The following SLC25A24 variants were observed in gnomAD, a reference collection of about 807,000 sequenced individuals.
SLC25A24 encodes solute carrier family 25 member 24, also known as mitochondrial adenyl nucleotide antiporter SLC25A24.
Under a neutral mutation model 60.7 loss-of-function variants are expected in SLC25A24, and 49 were observed. That is an observed-to-expected ratio of 0.81 (90% CI 0.64 to 1.02). SLC25A24 has a LOEUF of 1.02. Ranked by LOEUF, SLC25A24 falls within the 50% of genes least tolerant of loss-of-function variation. The pLI, the probability that SLC25A24 is intolerant of heterozygous loss-of-function variation, is 0.00. For synonymous variants in SLC25A24, 202 were observed against 200.6 expected, an observed-to-expected ratio of 1.01 and a Z score of -0.06; for missense variants, 564 against 586.3, an observed-to-expected ratio of 0.96 and a Z score of 0.39.
chr1:108,145,414 T>C (rs547676916), intron 7 of SLC25A24, among the ~76,000 whole-genome samples: 123 of 152,334 alleles, frequency 8.1e-4, no homozygotes, highest in Middle Eastern at 3.4e-3. Flanking sequence ...ATCTTTAGTT[T>C]AATTAGATCC....
At position 108,155,102 on chromosome 1, in the gene SLC25A24, A is replaced by G; in HGVS notation, c.703T>C (p.Phe235Leu). The G allele has an allele frequency of 6.2e-7, 1 of 1,611,874 alleles. No homozygotes were observed. The highest frequency in any genetic ancestry group is 1.1e-5 in the South Asian group (1 of 90,664). ...TTTACCATCTGTCGAAAGCCACCAA[A>G]TATGTTCATTTTGTCTGATTTTGAA... ...HGSKSDKMNI[F>L]GGFRQMVKEG... Residue 235 changes from phenylalanine to leucine, a missense_variant, in exon 6 of 10, where the codon TTT becomes CTT. Coordinates refer to ENST00000565488, the MANE Select transcript of SLC25A24 (RefSeq NM_013386.5).
rs1013406876 is a variant in SLC25A24, at chr1:108,164,640, C to G, written c.399-3347G>C. On this transcript the variant is annotated intron_variant, in intron 3 of 9. Coordinates refer to ENST00000565488, the MANE Select transcript of SLC25A24 (RefSeq NM_013386.5). Reference sequence around the variant, plus strand: ...ATTTCTGTGGGATTGGTGGTGATATCCCCTTTATCATTTTTTATTGTGTCT... The same window carrying G: ...ATTTCTGTGGGATTGGTGGTGATATGCCCTTTATCATTTTTTATTGTGTCT... Among the ~76,000 whole-genome samples, 8 of 149,438 alleles carry G rather than the reference C, an allele frequency of 5.4e-5. No individual in the cohort carries two copies. In the East Asian group the frequency reaches 1.6e-3, roughly 29 times the overall value.
rs1183392031 is a variant in SLC25A24 at position 108,136,478 on chromosome 1, T to C, written c.*175A>G. ...CACATTAAAACTATGATTTTGAACA[T>C]TTCTGTGTACATATAATTTAGCCCA... On this transcript the variant is annotated 3_prime_UTR_variant, in exon 10 of 10. Coordinates refer to ENST00000565488, the MANE Select transcript of SLC25A24 (RefSeq NM_013386.5). 1 of 573,498 alleles carries C rather than the reference T, an allele frequency of 1.7e-6. No individual in the cohort carries two copies. The highest frequency in any genetic ancestry group is 3.1e-6 in the Non-Finnish European group (1 of 325,414). The allele number at this position is 573,498 out of a possible 1,614,324, so 35.5% of individuals were successfully genotyped here. A position where few individuals can be genotyped will look rare whatever the true frequency, so the allele number is the denominator to read the frequency against.
Position 108,200,093 on chromosome 1 carries a change from G to T in SLC25A24, c.46C>A (p.Gln16Lys), listed in dbSNP as rs926596448. 6.3e-7 allele frequency: 1 copy of T among 1,576,020 alleles called. No individual in the cohort carries two copies. The highest frequency in any genetic ancestry group is 8.6e-7 in the Non-Finnish European group (1 of 1,161,568). Residue 16 changes from glutamine (Q) to lysine (K), a missense_variant, in exon 1 of 10, where the codon CAG (glutamine) becomes AAG (lysine). By Grantham distance (53) the Gln-to-Lys change is moderately conservative. Coordinates refer to ENST00000565488, the MANE Select transcript of SLC25A24 (RefSeq NM_013386.5). ...RDFVLPTAAC[Q>K]DAEQPTRYET... is the part of the protein sequence containing the mutation. ...TAGCGCGTCGGCTGCTCCGCGTCCT[G>T]GCAGGCCGCGGTGGGCAGCACGAAG... is the stretch of plus-strand genomic sequence containing the variant.
In SLC25A24 at chr1:108,155,006, C is replaced by G; in HGVS notation, c.799G>C (p.Val267Leu). The part of the protein sequence containing the change: ...NVIKIAPETA[V>L]KFWAYEQYKK... The stretch of plus-strand genomic sequence containing the variant: ...ACCTGTTCATATGCCCAGAATTTAA[C>G]AGCTGTCTCAGGAGCAATTTTGATG... The change falls in exon 6 of 10, where the codon GTT (valine) becomes CTT (leucine). Residue 267 changes from valine (V) to leucine (L), a missense_variant. Val to Leu is a conservative substitution (Grantham distance 32). Transcript: ENST00000565488. 1 of 1,607,726 alleles carries G rather than the reference C, an allele frequency of 6.2e-7. No individual in the cohort carries two copies. Among genetic ancestry groups the G allele is most frequent in the African/African-American group, 1.3e-5 (1 of 74,792 alleles).
chr1:108,156,428 A>G (rs1046406969), intron 5 of SLC25A24, among the ~76,000 whole-genome samples: 13 of 152,226 alleles, frequency 8.5e-5, no homozygotes, highest in Admixed American at 2.6e-4. Context: ...AAGTTCTCTA[A>G]AAGTCAAGTT....
At chr1:108,159,965 T>A (rs1380383321) in intron 4 of SLC25A24, among the ~76,000 whole-genome samples, 2 of 152,086 alleles carry the variant, frequency 1.3e-5, no homozygotes, top group African/African-American at 2.4e-5. Flanking sequence ...TGGCCCGTTC[T>A]CAATGAGCTG....
intron 3 of SLC25A24, 70 bp downstream of exon 3, chr1:108,181,871 T>G (rs957676188): frequency 1.0e-5 from 12 of 1,160,142 alleles, no homozygotes; most frequent in Non-Finnish European, 1.5e-5. Context: ...AAAGCCACAC[T>G]TACAAACACA....
intron 3 of SLC25A24, among the ~76,000 whole-genome samples, chr1:108,169,337 C>CA (rs575747721): frequency 1.7e-3 from 266 of 152,128 alleles, no homozygotes; most frequent in African/African-American, 6.1e-3. Context: ...ACAAATTCCT[C>CA]AAAAAAACCA....
intron 1 of SLC25A24, among the ~76,000 whole-genome samples, chr1:108,187,795 T>C (rs561135579): frequency 1.3e-5 from 2 of 151,706 alleles, no homozygotes; most frequent in South Asian, 2.1e-4. Context: ...CACTTGATTC[T>C]AAAACCTAAC....
chr1:108,147,752 G>GCCTCTAAAGTGGCAGCCAT (rs1553253203), intron 7 of SLC25A24, among the ~76,000 whole-genome samples: 1 of 152,126 alleles, frequency 6.6e-6, no homozygotes, highest in Non-Finnish European at 1.5e-5. Context: ...GTGGCAGCCA[G>GCCTCTAAAGTGGCAGCCAT]CCTCTAAAGT....
intron 6 of SLC25A24, among the ~76,000 whole-genome samples, chr1:108,154,152 T>C (rs1051379141): frequency 2.0e-5 from 3 of 149,390 alleles, no homozygotes; most frequent in Non-Finnish European, 4.4e-5. Context: ...CTCAAGAGTA[T>C]TCTCTTGCTC....
chr1:108,190,259 C>A (rs960393713), intron 1 of SLC25A24, among the ~76,000 whole-genome samples: 1 of 152,086 alleles, frequency 6.6e-6, no homozygotes, highest in Non-Finnish European at 1.5e-5. Flanking sequence ...ATTAGAAACG[C>A]GGCACCCTAT....
chr1:108,162,887 G>A (rs1374112311), intron 3 of SLC25A24, among the ~76,000 whole-genome samples: 1 of 149,426 alleles, frequency 6.7e-6, no homozygotes, highest in East Asian at 2.0e-4. Flanking sequence ...TGTCCTGAAT[G>A]GTAATGCCTA....
At chr1:108,166,757 G>A (rs1353536229) in intron 3 of SLC25A24, among the ~76,000 whole-genome samples, 1 of 152,152 alleles carries the variant, frequency 6.6e-6, no homozygotes, top group East Asian at 1.9e-4. Context: ...CCATAGCTCA[G>A]AGTAATTTGA....
At chr1:108,145,995 T>C (rs1679578691) in intron 7 of SLC25A24, among the ~76,000 whole-genome samples, 1 of 152,248 alleles carries the variant, frequency 6.6e-6, no homozygotes, top group Non-Finnish European at 1.5e-5. Context: ...CTTTGGGCAG[T>C]ATGGCCACTG....
intron 3 of SLC25A24, among the ~76,000 whole-genome samples, chr1:108,169,936 TC>T (rs1370866992): frequency 1.2e-4 from 19 of 152,180 alleles, no homozygotes; most frequent in Admixed American, 9.8e-4. Context: ...TTCTCTTTTT[TC>T]TTCATCAATC....
intron 3 of SLC25A24, among the ~76,000 whole-genome samples, chr1:108,178,543 G>A (rs564949243): frequency 2.0e-4 from 31 of 152,238 alleles, no homozygotes; most frequent in African/African-American, 6.7e-4. Flanking sequence ...GGCCAGGCGC[G>A]GTGGCTCACG....
intron 7 of SLC25A24, 36 bp from the exon 8 acceptor site, chr1:108,143,746 A>G: frequency 6.6e-7 from 1 of 1,514,950 alleles, no homozygotes; most frequent in Non-Finnish European, 9.1e-7. Flanking sequence ...GATTGTTCAT[A>G]TTAACTCTAT....
Sources: allele counts gnomAD v4.1 joint callset (sites outside exome capture counted in the v4.1 genomes callset), GRCh38; gene constraint gnomAD v4.1.1; transcripts MANE v1.5; gene names NCBI Gene and HGNC (gene_info 2026-07-23, HGNC 2026-07-21).